The following BACH2 variants were observed in gnomAD, a reference collection of about 807,000 sequenced individuals.
The protein encoded by BACH2 is BACH transcriptional regulator 2, also known as transcription regulator protein BACH2.
In BACH2, 5 loss-of-function variants were observed where a neutral mutation model predicts 61.8. The observed-to-expected ratio is 0.08, with a 90% confidence interval of 0.04 to 0.17. The LOEUF is 0.17. Among genes scored for constraint, BACH2 ranks in the 10% least tolerant of loss-of-function variants. BACH2 has a pLI of 1.00. For missense variants in BACH2, 824 were observed against 1,091.1 expected (o/e 0.76, Z 3.45); for synonymous variants, 446 against 440.1 (o/e 1.01, Z -0.17).
intron 6 of BACH2, among the ~76,000 whole-genome samples, chr6:90,002,001 T>C (rs929760732): frequency 2.0e-5 from 3 of 152,248 alleles, no homozygotes; most frequent in Non-Finnish European, 4.4e-5. Flanking sequence ...AATTGGTTTT[T>C]GTTTCTACTG....
At chr6:90,243,953 G>A (rs1339150711) in intron 3 of BACH2, among the ~76,000 whole-genome samples, 2 of 152,084 alleles carry the variant, frequency 1.3e-5, no homozygotes, top group African/African-American at 2.4e-5. Flanking sequence ...ACAGAGTCTC[G>A]CTCTGTTGCC....
chr6:90,078,923 T>G (rs1460060698), intron 5 of BACH2, among the ~76,000 whole-genome samples: 1 of 152,174 alleles, frequency 6.6e-6, no homozygotes, highest in East Asian at 1.9e-4. Flanking sequence ...GTCTTCATTT[T>G]TCAGAATCTT....
Position 90,113,890 on chromosome 6 carries a change from C to T in BACH2, c.-161-24781G>A, listed in dbSNP as rs561890646. Among the ~76,000 whole-genome samples the T allele has an allele frequency of 9.2e-5, 14 of 152,162 alleles. No individual in the cohort carries two copies. In the East Asian group the frequency reaches 1.2e-3, roughly 13 times the overall value. ...CAACCATCAGAAACGATTACAAACA[C>T]GTCTACACACACAAACTAGAAAACC... On this transcript the variant is annotated intron_variant, in intron 4 of 8. Coordinates refer to ENST00000257749, the MANE Select transcript of BACH2 (RefSeq NM_021813.4).
chr6:90,053,677 A>C (rs994499415), intron 5 of BACH2, among the ~76,000 whole-genome samples: 1 of 152,182 alleles, frequency 6.6e-6, no homozygotes, highest in African/African-American at 2.4e-5. Flanking sequence ...CTCATTTTGA[A>C]GGTTATTTTT....
Position 89,930,259 on chromosome 6 carries a change from T to C in BACH2, c.*2149A>G, listed in dbSNP as rs1772570392. 8.0e-6 allele frequency: 1 copy of C among 125,014 alleles called. No homozygotes were observed. The highest frequency in any genetic ancestry group is 9.0e-5 in the Admixed American group (1 of 11,146). 7.7% of individuals were successfully genotyped at this position (125,014 alleles called of 1,614,324 possible). ...TTTTTTTTTTTTTTTTTTTTTATCC[T>C]ACTGCATGAACTGACAAATTTCTGG... On this transcript the variant is annotated 3_prime_UTR_variant, in exon 9 of 9. Coordinates refer to ENST00000257749, the MANE Select transcript of BACH2 (RefSeq NM_021813.4).
In BACH2 at chr6:90,117,126, G is replaced by C. The variant is rs1783434868; in HGVS notation, c.-161-28017C>G. On this transcript the variant is annotated intron_variant, in intron 4 of 8. Transcript: ENST00000257749. Reference sequence around the variant, plus strand: ...CAACTTCTCAAGGTGCATGCGCCCAGCACTCTCAATAATCTTTCAACATGG... The same window carrying C: ...CAACTTCTCAAGGTGCATGCGCCCACCACTCTCAATAATCTTTCAACATGG... The C allele has an allele frequency of 4.7e-5, 11 of 232,782 alleles. No homozygotes were observed. The South Asian group carries it at 8.5e-4, about 18-fold the overall frequency. The allele number at this position is 232,782 out of a possible 1,614,324, so 14.4% of individuals were successfully genotyped here.
At chr6:90,195,461 G>GTCTGTTTTCC (rs749656728) in intron 4 of BACH2, among the ~76,000 whole-genome samples, 31 of 152,270 alleles carry the variant, frequency 2.0e-4, no homozygotes, top group Non-Finnish European at 4.1e-4. Context: ...TATCCTATTA[G>GTCTGTTTTCC]TCTGTTTTCC....
intron 4 of BACH2, among the ~76,000 whole-genome samples, chr6:90,093,469 C>T (rs950403728): frequency 1.3e-5 from 2 of 152,218 alleles, no homozygotes; most frequent in African/African-American, 4.8e-5. Context: ...AATATCTCTG[C>T]TGTCCAATAT....
chr6:90,098,099 G>A (rs962930011), intron 4 of BACH2, among the ~76,000 whole-genome samples: 1 of 152,112 alleles, frequency 6.6e-6, no homozygotes, highest in Non-Finnish European at 1.5e-5. Flanking sequence ...AAGTAAAATA[G>A]TATTTCTTGG....
intron 1 of BACH2, among the ~76,000 whole-genome samples, chr6:90,294,968 A>G (rs1772293251): frequency 6.6e-6 from 1 of 152,276 alleles, no homozygotes; most frequent in Admixed American, 6.5e-5. Context: ...TAGGCAGGAA[A>G]GGATTTTTAT....
intron 4 of BACH2, among the ~76,000 whole-genome samples, chr6:90,162,487 T>A (rs116067774): frequency 0.021 from 3,119 of 151,816 alleles, 104 homozygotes; most frequent in African/African-American, 0.069. Context: ...AAAAATTTTT[T>A]AAAAATTAGC....
chr6:89,965,752 C>A (rs1775015558), intron 6 of BACH2, among the ~76,000 whole-genome samples: 1 of 152,240 alleles, frequency 6.6e-6, no homozygotes, highest in South Asian at 2.1e-4. Flanking sequence ...AACTGAAGAA[C>A]TGACAGATCA....
chr6:90,295,950 A>C (rs543575858), intron 1 of BACH2, among the ~76,000 whole-genome samples: 1 of 152,136 alleles, frequency 6.6e-6, no homozygotes, highest in Admixed American at 6.5e-5. Context: ...GCCGCGGCCA[A>C]GGTCCTCGCG....
chr6:89,986,587 TA>T (rs1201203123), intron 6 of BACH2, among the ~76,000 whole-genome samples: 7 of 152,212 alleles, frequency 4.6e-5, no homozygotes, highest in African/African-American at 1.7e-4. Flanking sequence ...TCCCTGTCAC[TA>T]AATTTGAATG....
At chr6:90,003,037 C>T (rs1256962417) in intron 6 of BACH2, among the ~76,000 whole-genome samples, 3 of 152,180 alleles carry the variant, frequency 2.0e-5, no homozygotes, top group African/African-American at 7.2e-5. Flanking sequence ...TGGTGTAGGC[C>T]ATCAGGTCAC....
intron 7 of BACH2, among the ~76,000 whole-genome samples, chr6:89,945,307 C>T (rs1297898750): frequency 6.6e-6 from 1 of 152,110 alleles, no homozygotes; most frequent in East Asian, 1.9e-4. Context: ...TGGTATTAGT[C>T]AACAAAATGG....
chr6:90,103,183 T>C (rs1782752904), intron 4 of BACH2, among the ~76,000 whole-genome samples: 2 of 151,480 alleles, frequency 1.3e-5, no homozygotes, highest in South Asian at 4.2e-4. Context: ...TGTGAAAGGA[T>C]CAAAATATCA....
intron 6 of BACH2, among the ~76,000 whole-genome samples, chr6:90,007,198 C>T (rs1327048145): frequency 6.6e-6 from 1 of 152,120 alleles, no homozygotes; most frequent in Non-Finnish European, 1.5e-5. Flanking sequence ...CCTCAACCTC[C>T]TGAGTAGCTG....
intron 5 of BACH2, among the ~76,000 whole-genome samples, chr6:90,056,866 A>G (rs2127796807): frequency 6.6e-6 from 1 of 152,352 alleles, no homozygotes; most frequent in Non-Finnish European, 1.5e-5. Flanking sequence ...CTGCTCCTGA[A>G]TGACTACTGG....
Sources: gnomAD v4.1 joint callset for allele counts (sites outside exome capture counted in the v4.1 genomes callset) on GRCh38, gnomAD v4.1.1 for gene constraint, MANE v1.5 for transcripts, NCBI Gene and HGNC (gene_info 2026-07-23, HGNC 2026-07-21) for gene names.